NME9: variants seen among roughly 807,000 people sequenced by gnomAD.
NME9 encodes the protein NME/NM23 family member 9, also known as thioredoxin domain-containing protein 6.
In NME9, 48 loss-of-function variants were observed where a neutral mutation model predicts 44.4. The observed-to-expected ratio is 1.08, with a 90% CI of 0.86 to 1.37. The LOEUF (loss-of-function observed/expected upper bound fraction) is 1.37. NME9 is among the 40% of genes most tolerant of loss of function. NME9 has a pLI of 0.00. For missense variants in NME9, 325 were observed against 405.2 expected (o/e 0.80, Z 1.70); for synonymous variants, 139 against 147.1 (o/e 0.94, Z 0.40).
rs534182624 is a variant in NME9 at position 138,282,846 on chromosome 3, T to A, written c.746-20260A>T. Among the ~76,000 whole-genome samples, 13 of 152,272 alleles carry A rather than the reference T, an allele frequency of 8.5e-5. No homozygotes were observed. In the South Asian group the frequency reaches 2.1e-3, roughly 24 times the overall value. On this transcript the variant is annotated intron_variant, in intron 8 of 8. Transcript: ENST00000317876. ...TGGCATGCTCATGTCTGCCCCTTCA[T>A]AAGATCTTTTCCGCAAGAGACTAAC...
At chr3:138,277,225 T>A (rs1360217161) in intron 8 of NME9, among the ~76,000 whole-genome samples, 1 of 152,114 alleles carries the variant, frequency 6.6e-6, no homozygotes, top group Non-Finnish European at 1.5e-5. Context: ...CCAAAAAAAA[T>A]TAACTTTGAA....
chr3:138,306,149 T>C (rs956710069), intron 7 of NME9, 53 bp from the exon 8 acceptor site: 3 of 1,287,376 alleles, frequency 2.3e-6, no homozygotes, highest in South Asian at 1.2e-5. Context: ...CAAATTCACA[T>C]TGATTAATTA....
chr3:138,270,182 T>C (rs748244344), intron 8 of NME9: 3 of 1,322,902 alleles, frequency 2.3e-6, no homozygotes, highest in Non-Finnish European at 3.3e-6. Flanking sequence ...AATACAGCTA[T>C]TGTCTAAGTT....
chr3:138,309,921 G>A (rs1463394595), intron 6 of NME9, among the ~76,000 whole-genome samples: 5 of 152,032 alleles, frequency 3.3e-5, no homozygotes, highest in Admixed American at 6.5e-5. Flanking sequence ...CAGCTAATTG[G>A]GAGGCTGAGG....
At chr3:138,280,977 T>A (rs2049849488) in intron 8 of NME9, among the ~76,000 whole-genome samples, 1 of 152,138 alleles carries the variant, frequency 6.6e-6, no homozygotes, top group Admixed American at 6.5e-5. Flanking sequence ...AGGCAAGGTA[T>A]ATATTTCAAT....
intron 8 of NME9, chr3:138,287,664 T>C (rs1408303847): frequency 4.4e-6 from 2 of 456,744 alleles, no homozygotes; most frequent in Admixed American, 2.3e-5. Flanking sequence ...TTAAAAGTGT[T>C]GGCAGTTAGA....
chr3:138,329,173 C>G lies in NME9; in HGVS notation c.33+130G>C, dbSNP rs2053973118. ...CTTTAAGACGGAAGGGTACATCACT[C>G]AAGTTTGAGAACACTGTCACGTACT... On this transcript the variant is annotated intron_variant, in intron 1 of 10. Coordinates refer to ENST00000333911, the MANE Select transcript of NME9 (RefSeq NM_001349018.2). 3.7e-6 allele frequency: 3 copies of G among 811,654 alleles called. No homozygotes were observed. In the East Asian group the frequency reaches 8.4e-5, roughly 23 times the overall value. The allele number at this position is 811,654 out of a possible 1,614,324, so 50.3% of individuals were successfully genotyped here. A position where few individuals can be genotyped will look rare whatever the true frequency, so the allele number is the denominator to read the frequency against.
At chr3:138,303,448 A>G in intron 10 of NME9, 59 bp downstream of exon 10, 6 of 1,378,558 alleles carry the variant, frequency 4.4e-6, no homozygotes, top group Non-Finnish European at 6.2e-6. Context: ...TCAAGCACAT[A>G]GTTACAAATT....
chr3:138,264,073 T>A (rs2048017620), intron 8 of NME9: 1 of 1,495,122 alleles, frequency 6.7e-7, no homozygotes, highest in Admixed American at 1.7e-5. Context: ...CCAGCCAGTT[T>A]GTTTGAAAAG....
At chr3:138,300,037 G>A (rs527416816), downstream of NME9, among the ~76,000 whole-genome samples, 1 of 152,250 alleles carries the variant, frequency 6.6e-6, no homozygotes, top group South Asian at 2.1e-4. Flanking sequence ...CCCCACTCTT[G>A]AGCCCACTCC....
intron 3 of NME9, among the ~76,000 whole-genome samples, chr3:138,318,594 C>T (rs1228252771): frequency 6.6e-6 from 1 of 151,890 alleles, no homozygotes; most frequent in Non-Finnish European, 1.5e-5. Context: ...CCACGCAAGC[C>T]CTTCTACAGC....
Position 138,270,136 on chromosome 3 carries a change from C to T in NME9, c.746-7550G>A, listed in dbSNP as rs375556484. The stretch of plus-strand genomic sequence containing the variant: ...GAATGGAATTTGGGCTTTAATGGTA[C>T]GTTTCACTTTTATATATATCATAAC... On this transcript the variant is annotated intron_variant, in intron 8 of 8. Transcript: ENST00000317876. 2.3e-5 allele frequency: 37 copies of T among 1,585,984 alleles called. No individual in the cohort carries two copies. In the African/African-American group the frequency reaches 2.8e-4, roughly 12 times the overall value.
chr3:138,278,683 A>G (rs901623850), intron 8 of NME9, among the ~76,000 whole-genome samples: 3 of 152,152 alleles, frequency 2.0e-5, no homozygotes, highest in East Asian at 1.9e-4. Context: ...GAGTCTTCCA[A>G]TTCATGAATA....
intron 8 of NME9, among the ~76,000 whole-genome samples, chr3:138,282,689 T>A (rs1396019624): frequency 6.6e-6 from 1 of 151,386 alleles, no homozygotes; most frequent in Admixed American, 6.6e-5. Flanking sequence ...CCTTATCCTG[T>A]AGGCTCAGGT....
At chr3:138,291,713 C>A (rs2050970736) in intron 8 of NME9, among the ~76,000 whole-genome samples, 1 of 152,128 alleles carries the variant, frequency 6.6e-6, no homozygotes, top group African/African-American at 2.4e-5. Flanking sequence ...TGATCAGAGA[C>A]CTGAATGAAA....
intron 9 of NME9, among the ~76,000 whole-genome samples, chr3:138,304,186 T>C (rs917839753): frequency 6.6e-6 from 1 of 152,212 alleles, no homozygotes. Context: ...TGCAGTGACC[T>C]AAGATCTGAA....
At chr3:138,325,796 A>ATTTTT (rs35102089) in intron 1 of NME9, among the ~76,000 whole-genome samples, 13 of 140,334 alleles carry the variant, frequency 9.3e-5, no homozygotes, top group African/African-American at 3.4e-4. Flanking sequence ...AGATTTAGGG[A>ATTTTT]TTTTTTTTTT....
chr3:138,303,484 C>T, intron 10 of NME9, 23 bp downstream of exon 10: 3 of 1,594,848 alleles, frequency 1.9e-6, no homozygotes, highest in Non-Finnish European at 2.6e-6. Flanking sequence ...TTAATAAAGA[C>T]CAAGTCTGCC....
chr3:138,306,618 C>G, intron 6 of NME9, 138 bp from the exon 7 acceptor site: 1 of 610,948 alleles, frequency 1.6e-6, no homozygotes, highest in Non-Finnish European at 2.9e-6. Context: ...GAGTTCCCTT[C>G]CCTGGCCTCT....
Sources: gnomAD v4.1 joint callset for allele counts (sites outside exome capture counted in the v4.1 genomes callset) on GRCh38, gnomAD v4.1.1 for gene constraint, MANE v1.5 for transcripts, NCBI Gene and HGNC (gene_info 2026-07-23, HGNC 2026-07-21) for gene names.